Variants in AGBL1 observed in about 807,000 individuals in gnomAD.
The protein encoded by AGBL1 is AGBL carboxypeptidase 1.
Under a neutral mutation model 118.9 loss-of-function variants are expected in AGBL1, and 130 were observed. The observed-to-expected ratio is 1.09, with a 90% CI of 0.95 to 1.26. AGBL1 has a LOEUF of 1.26. Among genes scored for constraint, AGBL1 ranks in the 50% most tolerant of loss-of-function variants. The pLI is 0.00. For missense variants in AGBL1, 1,584 were observed against 1,298.1 expected (o/e 1.22, Z -3.38); for synonymous variants, 555 against 478.9 (o/e 1.16, Z -2.08).
intron 5 of AGBL1, among the ~76,000 whole-genome samples, chr15:86,212,679 T>C (rs2078119333): frequency 6.6e-6 from 1 of 152,190 alleles, no homozygotes; most frequent in South Asian, 2.1e-4. Flanking sequence ...GGACAGAGTC[T>C]CACTCTGTTG....
At chr15:86,740,397 A>C (rs2077660557) in intron 22 of AGBL1, among the ~76,000 whole-genome samples, 1 of 152,188 alleles carries the variant, frequency 6.6e-6, no homozygotes. Context: ...AAGATTCTTG[A>C]CATAAAATTG....
Position 86,510,915 on chromosome 15 carries a change from T to C in AGBL1, c.2556-11895T>C, listed in dbSNP as rs1336768540. Among the ~76,000 whole-genome samples, 4 of 152,058 alleles carry C rather than the reference T, an allele frequency of 2.6e-5. No homozygotes were observed. The East Asian group carries it at 7.7e-4, about 29-fold the overall frequency. On this transcript the variant is annotated intron_variant, in intron 18 of 22. Coordinates refer to ENST00000614907, the MANE Select transcript of AGBL1 (RefSeq NM_001386094.1). ...GTCTATCACCTTCTGACCACTGTGATGGGTTGGTGCTGAGAAATTGTCAGA... is the reference window on the plus strand; with the variant it reads ...GTCTATCACCTTCTGACCACTGTGACGGGTTGGTGCTGAGAAATTGTCAGA...
At chr15:86,787,539 G>C (rs2078430565) in intron 22 of AGBL1, among the ~76,000 whole-genome samples, 1 of 152,100 alleles carries the variant, frequency 6.6e-6, no homozygotes, top group Non-Finnish European at 1.5e-5. Flanking sequence ...TCTGGGTCTA[G>C]CTTTTTTCCC....
intron 21 of AGBL1, among the ~76,000 whole-genome samples, chr15:86,562,739 T>A (rs1380128961): frequency 1.3e-5 from 2 of 152,224 alleles, no homozygotes; most frequent in Non-Finnish European, 2.9e-5. Flanking sequence ...TCCTTGTACC[T>A]CTGGTAGAAT....
At chr15:86,596,280 C>G in intron 21 of AGBL1, among the ~76,000 whole-genome samples, 1 of 152,060 alleles carries the variant, frequency 6.6e-6, no homozygotes, top group East Asian at 1.9e-4. Flanking sequence ...TCTTCGCCAC[C>G]CCCTCCCATA....
intron 3 of AGBL1, among the ~76,000 whole-genome samples, chr15:86,146,281 T>G (rs546126658): frequency 6.6e-6 from 1 of 152,244 alleles, no homozygotes; most frequent in African/African-American, 2.4e-5. Context: ...TTCTTGTCAT[T>G]ATTCCCTAAG....
At chr15:86,689,783 T>G (rs997898801) in intron 22 of AGBL1, among the ~76,000 whole-genome samples, 8 of 152,078 alleles carry the variant, frequency 5.3e-5, no homozygotes, top group Non-Finnish European at 1.2e-4. Flanking sequence ...AATTGATATT[T>G]AAAAAAATCT....
intron 22 of AGBL1, among the ~76,000 whole-genome samples, chr15:86,853,914 T>C (rs573619425): frequency 1.3e-4 from 20 of 152,230 alleles, no homozygotes; most frequent in African/African-American, 3.9e-4. Flanking sequence ...TTAGAGATAA[T>C]AATTTCTGCC....
At chr15:86,120,346 C>T (rs1163749726) in intron 1 of AGBL1, among the ~76,000 whole-genome samples, 1 of 152,192 alleles carries the variant, frequency 6.6e-6, no homozygotes, top group African/African-American at 2.4e-5. Flanking sequence ...CCTAATGTTC[C>T]CATAGTACTC....
chr15:86,279,866 C>T (rs2079321354), intron 16 of AGBL1, 83 bp downstream of exon 16: 5 of 1,521,720 alleles, frequency 3.3e-6, no homozygotes, highest in Admixed American at 3.4e-5. Context: ...GAGACCCTGA[C>T]ATCCTGATGG....
intron 22 of AGBL1, among the ~76,000 whole-genome samples, chr15:86,813,737 T>C (rs2078823196): frequency 6.6e-6 from 1 of 152,176 alleles, no homozygotes; most frequent in South Asian, 2.1e-4. Flanking sequence ...AGAGAGGGTT[T>C]GTAACAAACA....
chr15:86,694,060 C>G (rs1369554994), intron 22 of AGBL1, among the ~76,000 whole-genome samples: 1 of 151,806 alleles, frequency 6.6e-6, no homozygotes, highest in Non-Finnish European at 1.5e-5. Context: ...TTTGCTTAGT[C>G]TTGCTTTGGC....
At chr15:86,950,467 A>C (rs1452627798) in intron 23 of AGBL1, among the ~76,000 whole-genome samples, 5 of 151,022 alleles carry the variant, frequency 3.3e-5, no homozygotes, top group African/African-American at 4.8e-5. Context: ...AAAGAAAATA[A>C]GAAAGAAGAT....
intron 19 of AGBL1, among the ~76,000 whole-genome samples, chr15:86,529,546 C>A (rs1213957448): frequency 7.7e-6 from 1 of 129,460 alleles, no homozygotes. Flanking sequence ...AGGATATTAT[C>A]CAGGAGAACT....
At chr15:87,000,711 G>A (rs1179901537) in intron 24 of AGBL1, among the ~76,000 whole-genome samples, 2 of 117,912 alleles carry the variant, frequency 1.7e-5, no homozygotes, top group Admixed American at 1.8e-4. Context: ...GGCGATGCGG[G>A]CTCTTTTTTG....
chr15:86,122,775 T>C (rs1485102596), intron 1 of AGBL1, among the ~76,000 whole-genome samples: 1 of 152,182 alleles, frequency 6.6e-6, no homozygotes, highest in African/African-American at 2.4e-5. Context: ...CTTCCAAAGT[T>C]AATCTGAAAG....
chr15:86,584,193 G>T (rs530668999), intron 21 of AGBL1, among the ~76,000 whole-genome samples: 1 of 151,980 alleles, frequency 6.6e-6, no homozygotes, highest in Non-Finnish European at 1.5e-5. Context: ...GTTTAATTAG[G>T]TCCCATTTGT....
rs551893796 is a variant in AGBL1 at position 86,204,930 on chromosome 15, A to G, written c.489-19984A>G. ...TACATTGGCACTTCATTGTCACCCA[A>G]AGTCCATAGTTTACATCAGAGCTGA... On this transcript the variant is annotated intron_variant, in intron 5 of 22. Transcript: ENST00000614907. Among the ~76,000 whole-genome samples, 7 of 152,074 alleles carry G rather than the reference A, an allele frequency of 4.6e-5. No individual in the cohort carries two copies. The South Asian group carries it at 1.5e-3, about 32-fold the overall frequency.
At chr15:86,582,874 G>A (rs148202721) in intron 21 of AGBL1, among the ~76,000 whole-genome samples, 1 of 143,088 alleles carries the variant, frequency 7.0e-6, no homozygotes, top group Admixed American at 7.0e-5. Flanking sequence ...GGTTGGGGGA[G>A]GGGGGAGGGA....
Sources: gnomAD v4.1 joint callset for allele counts (sites outside exome capture counted in the v4.1 genomes callset) on GRCh38, gnomAD v4.1.1 for gene constraint, MANE v1.5 for transcripts, NCBI Gene and HGNC (gene_info 2026-07-23, HGNC 2026-07-21) for gene names.